CCNJL: variants seen among roughly 807,000 people sequenced by gnomAD.
The protein encoded by CCNJL is cyclin-J-like protein.
Under a neutral mutation model 33.4 loss-of-function variants are expected in CCNJL, and 33 were observed. The observed-to-expected ratio is 0.99, with a 90% confidence interval of 0.75 to 1.32. The LOEUF is 1.32. Among genes scored for constraint, CCNJL ranks in the 40% most tolerant of loss-of-function variants. CCNJL has a pLI of 0.00. For missense variants in CCNJL, 512 were observed against 499.7 expected (o/e 1.02, Z -0.23); for synonymous variants, 227 against 220.9 (o/e 1.03, Z -0.24).
intron 2 of CCNJL, among the ~76,000 whole-genome samples, chr5:160,284,552 G>A (rs551225013): frequency 6.6e-6 from 1 of 152,314 alleles, no homozygotes; most frequent in Non-Finnish European, 1.5e-5. Flanking sequence ...GCAAAAGAAA[G>A]CCACAGATGC....
At chr5:160,292,378 T>C (rs890254459) in intron 2 of CCNJL, among the ~76,000 whole-genome samples, 1 of 152,124 alleles carries the variant, frequency 6.6e-6, no homozygotes, top group Non-Finnish European at 1.5e-5. Flanking sequence ...TTCCAGCACT[T>C]TGGGAGATTG....
chr5:160,323,974 G>A (rs187917120), intron 1 of CCNJL, among the ~76,000 whole-genome samples: 2 of 152,264 alleles, frequency 1.3e-5, no homozygotes, highest in African/African-American at 4.8e-5. Context: ...GACTCTTCTG[G>A]TGCTCAGGCC....
chr5:160,290,911 T>A (rs1480287011), intron 2 of CCNJL, among the ~76,000 whole-genome samples: 1 of 151,516 alleles, frequency 6.6e-6, no homozygotes, highest in Admixed American at 6.6e-5. Context: ...CGAGGAGGCA[T>A]AAGAAACAGG....
intron 4 of CCNJL, among the ~76,000 whole-genome samples, chr5:160,259,188 T>G (rs190300317): frequency 1.6e-4 from 25 of 152,388 alleles, no homozygotes; most frequent in African/African-American, 5.8e-4. Flanking sequence ...TTTAATTCAT[T>G]TGCAATGTTT....
At chr5:160,322,836 C>T (rs1401044361) in intron 1 of CCNJL, among the ~76,000 whole-genome samples, 2 of 151,612 alleles carry the variant, frequency 1.3e-5, no homozygotes, top group South Asian at 4.2e-4. Context: ...TTGAAACAGG[C>T]AGGCAGAGGG....
chr5:160,293,697 C>T lies in CCNJL; in HGVS notation c.67-12959G>A, dbSNP rs554271171. 1.4e-4 allele frequency among the ~76,000 whole-genome samples: 22 copies of T among 152,264 alleles called. 1 individual carries two copies. Among genetic ancestry groups the T allele is most frequent in the Non-Finnish European group, 2.1e-4 (14 of 68,024 alleles). On this transcript the variant is annotated intron_variant, in intron 2 of 5. Coordinates refer to ENST00000257536, the MANE Select transcript of CCNJL (RefSeq NM_001308173.3). ...TTGCTATCTCCCCACACCCACCCTC[C>T]GAGGTGGAACCAGCACTAGCCCTAG... is the stretch of plus-strand genomic sequence containing the variant.
chr5:160,303,698 G>GTCTC, intron 2 of CCNJL, among the ~76,000 whole-genome samples: 1 of 90,332 alleles, frequency 1.1e-5, no homozygotes, highest in African/African-American at 4.6e-5. Flanking sequence ...TCCTCTGTGT[G>GTCTC]TCTGTGTGTG....
chr5:160,304,464 C>G (rs974714748), intron 2 of CCNJL, among the ~76,000 whole-genome samples: 1 of 152,204 alleles, frequency 6.6e-6, no homozygotes, highest in East Asian at 1.9e-4. Context: ...TGAACCCCCA[C>G]ACCTTCATCT....
chr5:160,286,298 G>A (rs560095890), intron 2 of CCNJL, among the ~76,000 whole-genome samples: 2 of 152,208 alleles, frequency 1.3e-5, no homozygotes, highest in African/African-American at 2.4e-5. Context: ...CCTGGGAGAA[G>A]CGTCCTTTGC....
At chr5:160,325,601 C>T (rs1763524931) in intron 1 of CCNJL, among the ~76,000 whole-genome samples, 1 of 152,100 alleles carries the variant, frequency 6.6e-6, no homozygotes, top group Non-Finnish European at 1.5e-5. Flanking sequence ...CAGTATTTTC[C>T]ACATGCCATG....
intron 2 of CCNJL, among the ~76,000 whole-genome samples, chr5:160,300,041 C>T (rs1762874863): frequency 6.6e-6 from 1 of 152,148 alleles, no homozygotes; most frequent in South Asian, 2.1e-4. Flanking sequence ...TTCTGAATGA[C>T]ATCCTCTCCT....
rs1763269462 is a variant in CCNJL at position 160,311,843 on chromosome 5, C to T, written c.66+15G>A. ...TACCCAGTCTTGAGAGTGACAAGGG[C>T]AGGGAGGGACTGACCTTCTCGCGCA... is the stretch of plus-strand genomic sequence containing the variant. On this transcript the variant is annotated intron_variant, in intron 2 of 5. Coordinates refer to ENST00000257536, the MANE Select transcript of CCNJL (RefSeq NM_001308173.3). 1 of 1,612,216 alleles carries T rather than the reference C, an allele frequency of 6.2e-7. No homozygotes were observed. Among genetic ancestry groups the T allele is most frequent in the East Asian group, 2.2e-5 (1 of 44,872 alleles).
intron 4 of CCNJL, among the ~76,000 whole-genome samples, chr5:160,257,186 A>T (rs928591685): frequency 2.8e-4 from 43 of 152,008 alleles, no homozygotes; most frequent in South Asian, 1.5e-3. Flanking sequence ...AAAAAAATTT[A>T]AAAAATTGGC....
At chr5:160,267,519 T>C (rs1428099007) in intron 3 of CCNJL, among the ~76,000 whole-genome samples, 1 of 152,092 alleles carries the variant, frequency 6.6e-6, no homozygotes, top group African/African-American at 2.4e-5. Context: ...AATGAATGAA[T>C]AAATGATTCC....
At chr5:160,327,642 G>A (rs1005416346) in intron 1 of CCNJL, among the ~76,000 whole-genome samples, 3 of 152,192 alleles carry the variant, frequency 2.0e-5, no homozygotes, top group Admixed American at 2.0e-4. Context: ...TATGGCCCCC[G>A]TCCTTCAGAA....
intron 4 of CCNJL, among the ~76,000 whole-genome samples, chr5:160,257,705 C>T (rs1321506005): frequency 6.6e-6 from 1 of 151,970 alleles, no homozygotes; most frequent in African/African-American, 2.4e-5. Flanking sequence ...CATCATTTTC[C>T]TCTTTTGTAA....
rs1362749794 is a variant in CCNJL at position 160,269,361 on chromosome 5, C to T, written c.281-9590G>A. 7.5e-5 allele frequency: 34 copies of T among 454,628 alleles called. 2 individuals are homozygous for T. The highest frequency in any genetic ancestry group is 5.0e-4 in the South Asian group (32 of 64,372). The allele number at this position is 454,628 out of a possible 1,614,324, so 28.2% of individuals were successfully genotyped here. On this transcript the variant is annotated intron_variant, in intron 3 of 5. Coordinates refer to ENST00000257536, the MANE Select transcript of CCNJL (RefSeq NM_001308173.3). ...AATAGCTGGCATCTGGGGCCTGCATCCCACAAGTGCTTCTGTCCTCGTACG... is the reference window on the plus strand; with the variant it reads ...AATAGCTGGCATCTGGGGCCTGCATTCCACAAGTGCTTCTGTCCTCGTACG...
At chr5:160,254,261 C>T (rs1418336288) in intron 5 of CCNJL, 5 of 571,326 alleles carry the variant, frequency 8.8e-6, no homozygotes, top group Admixed American at 3.2e-5. Flanking sequence ...CCATCCCCAG[C>T]GGGGTCACTC....
At chr5:160,309,275 T>C (rs773746217) in intron 2 of CCNJL, among the ~76,000 whole-genome samples, 4 of 152,200 alleles carry the variant, frequency 2.6e-5, no homozygotes, top group Non-Finnish European at 5.9e-5. Flanking sequence ...CCAAGACTTG[T>C]TTCCATGGTG....
Sources: allele counts gnomAD v4.1 joint callset (sites outside exome capture counted in the v4.1 genomes callset), GRCh38; gene constraint gnomAD v4.1.1; transcripts MANE v1.5; gene names NCBI Gene and HGNC (gene_info 2026-07-23, HGNC 2026-07-21).